The following RBPJ variants were observed in gnomAD, a reference collection of about 807,000 sequenced individuals.
The protein encoded by RBPJ is recombining binding protein suppressor of hairless.
A neutral mutation model predicts 67.8 loss-of-function variants in RBPJ; 9 were observed. The observed-to-expected ratio is 0.13, with a 90% CI of 0.08 to 0.23. The LOEUF is 0.23. RBPJ is among the 10% of genes least tolerant of loss of function. The pLI is 1.00. For synonymous variants in RBPJ, 198 were observed against 203.3 expected (o/e 0.97, Z 0.22); for missense variants, 305 against 595.6 (o/e 0.51, Z 5.08).
At chr4:26,352,470 A>G (rs1296527701) in intron 1 of RBPJ, among the ~76,000 whole-genome samples, 2 of 152,116 alleles carry the variant, frequency 1.3e-5, no homozygotes, top group Non-Finnish European at 2.9e-5. Context: ...TTGTAGGGGG[A>G]CACAAACATT....
At chr4:26,353,200 T>G (rs1480157799) in intron 1 of RBPJ, among the ~76,000 whole-genome samples, 1 of 152,252 alleles carries the variant, frequency 6.6e-6, no homozygotes. Flanking sequence ...TTCAAAACAT[T>G]AATATGCTAG....
intron 1 of RBPJ, among the ~76,000 whole-genome samples, chr4:26,164,643 A>C (rs1010587481): frequency 8.5e-5 from 13 of 152,260 alleles, no homozygotes; most frequent in African/African-American, 3.1e-4. Context: ...TGATCAATTA[A>C]ATATAAGTCC....
the RBPJ span, among the ~76,000 whole-genome samples, chr4:26,115,137 T>TAAATCA: frequency 1.3e-5 from 2 of 152,218 alleles, no homozygotes; most frequent in African/African-American, 4.8e-5. Context: ...ATCAAGGTTT[T>TAAATCA]CATTTTCTTC....
At chr4:26,297,247 G>A (rs1721904848) in intron 1 of RBPJ, among the ~76,000 whole-genome samples, 1 of 152,104 alleles carries the variant, frequency 6.6e-6, no homozygotes, top group Admixed American at 6.5e-5. Flanking sequence ...AGTGGGCAGT[G>A]AGCACACCAC....
intron 2 of RBPJ, among the ~76,000 whole-genome samples, chr4:26,399,508 TG>T (rs921235946): frequency 1.4e-5 from 2 of 138,872 alleles, no homozygotes; most frequent in Non-Finnish European, 3.2e-5. Flanking sequence ...ATTCTCTTTG[TG>T]GTATTTTTCT....
chr4:26,153,779 C>T, the RBPJ span, among the ~76,000 whole-genome samples: 1 of 152,100 alleles, frequency 6.6e-6, no homozygotes, highest in Non-Finnish European at 1.5e-5. Context: ...CATTGTGCAC[C>T]TGTGTTTTGA....
chr4:26,270,404 A>AG, intron 1 of RBPJ, among the ~76,000 whole-genome samples: 1 of 58,810 alleles, frequency 1.7e-5, no homozygotes, highest in Non-Finnish European at 4.4e-5. Context: ...AAAGAAAGAA[A>AG]GAAAGAAAGA....
Position 26,364,544 on chromosome 4 carries a change from C to T in RBPJ, c.21-21809C>T, listed in dbSNP as rs975569052. The stretch of plus-strand genomic sequence containing the variant: ...GAATCCATTTGTTTTGTTTTAACTC[C>T]GCAGAGGTTTTTGATGTACAGCTAG... On this transcript the variant is annotated intron_variant, in intron 1 of 10. Coordinates refer to ENST00000355476, the MANE Select transcript of RBPJ (RefSeq NM_015874.6). 3.3e-5 allele frequency among the ~76,000 whole-genome samples: 5 copies of T among 150,014 alleles called. No homozygotes were observed. In the South Asian group the frequency reaches 8.3e-4, roughly 25 times the overall value.
chr4:26,304,254 G>A (rs1722164011), intron 1 of RBPJ, among the ~76,000 whole-genome samples: 1 of 152,134 alleles, frequency 6.6e-6, no homozygotes, highest in Non-Finnish European at 1.5e-5. Flanking sequence ...TTCATCAGTT[G>A]ATGGACATTT....
chr4:26,153,236 G>T, the RBPJ span, among the ~76,000 whole-genome samples: 1 of 152,234 alleles, frequency 6.6e-6, no homozygotes, highest in Non-Finnish European at 1.5e-5. Flanking sequence ...GAATGTAGAT[G>T]CTACTGAGAA....
chr4:26,253,959 T>C lies in RBPJ; in HGVS notation c.-167+90345T>C, dbSNP rs1370565938. On this transcript the variant is annotated intron_variant, in intron 1 of 4. Transcript: ENST00000512351. ...CAACATTGGTGCAAAGTGATGATAGTCATGTTTAAAGGTTTTGGAGTTTTG... is the reference window on the plus strand; with the variant it reads ...CAACATTGGTGCAAAGTGATGATAGCCATGTTTAAAGGTTTTGGAGTTTTG... 2.7e-5 allele frequency among the ~76,000 whole-genome samples: 4 copies of C among 149,064 alleles called. 2 individuals carry two copies. The highest frequency in any genetic ancestry group is 1.0e-4 in the African/African-American group (4 of 38,456).
At chr4:26,142,757 AGTGTGTGTGTGTGTAT>A in the RBPJ span, among the ~76,000 whole-genome samples, 1 of 151,466 alleles carries the variant, frequency 6.6e-6, no homozygotes, top group Non-Finnish European at 1.5e-5. Context: ...GTCTATTTTG[AGTGTGTGTGTGTGTAT>A]GTGTGTGTGT....
At chr4:26,370,585 A>G (rs769059348) in intron 1 of RBPJ, among the ~76,000 whole-genome samples, 1 of 152,162 alleles carries the variant, frequency 6.6e-6, no homozygotes, top group Non-Finnish European at 1.5e-5. Flanking sequence ...CCACTTCTTT[A>G]TAGAATCTTT....
In RBPJ at chr4:26,430,098, C is replaced by T; in HGVS notation, c.1044+45C>T. Reference sequence around the variant, plus strand: ...GTTGGCCTTCAGCTCTTTGCAGCTACTCTCAGCTGTGACCTGGCATCATTT... The same window carrying T: ...GTTGGCCTTCAGCTCTTTGCAGCTATTCTCAGCTGTGACCTGGCATCATTT... On this transcript the variant is annotated intron_variant, in intron 9 of 10. Transcript: ENST00000355476. The surrounding 1 kb of genome is among the most constrained non-coding windows in gnomAD (Gnocchi z 4.1). 6.3e-7 allele frequency: 1 copy of T among 1,596,196 alleles called. No homozygotes were observed. Among genetic ancestry groups the T allele is most frequent in the Non-Finnish European group, 8.6e-7 (1 of 1,164,678 alleles).
At chr4:26,336,155 C>T (rs1015853167) in intron 1 of RBPJ, among the ~76,000 whole-genome samples, 3 of 152,142 alleles carry the variant, frequency 2.0e-5, no homozygotes, top group African/African-American at 4.8e-5. Context: ...TAATTGTAGG[C>T]TAAATCGATG....
At chr4:26,263,820 TCA>T (rs1273974598) in intron 1 of RBPJ, among the ~76,000 whole-genome samples, 9 of 151,714 alleles carry the variant, frequency 5.9e-5, no homozygotes, top group Non-Finnish European at 1.3e-4. Context: ...TCTGCCCACC[TCA>T]GTCTCCCAAA....
chr4:26,352,206 A>G (rs186682863), intron 1 of RBPJ, among the ~76,000 whole-genome samples: 1 of 152,300 alleles, frequency 6.6e-6, no homozygotes, highest in Non-Finnish European at 1.5e-5. Context: ...GAACAATAGA[A>G]TTTATTTCTC....
Position 26,406,225 on chromosome 4 carries a change from T to C in RBPJ, c.110T>C (p.Ile37Thr). The change falls in exon 3 of 11, where the codon ATT (isoleucine) becomes ACT (threonine). Residue 37 changes from isoleucine (I) to threonine (T), a missense_variant. This residue lies in a region of RBPJ where 4 missense variants were observed against 21.7 expected (regional missense o/e 0.18). Transcript: ENST00000355476. ...LKERGDQTVL[I>T]LHAKVAQKSY... is the part of the protein sequence containing the mutation. ...GAGCGAGGGGATCAAACAGTACTTA[T>C]TCTTCATGCAAAAGTTGCACAGAAG... 2 of 1,612,882 alleles carry C rather than the reference T, an allele frequency of 1.2e-6. No individual in the cohort carries two copies.
intron 1 of RBPJ, among the ~76,000 whole-genome samples, chr4:26,338,156 CTTTTT>C (rs773976269): frequency 1.1e-5 from 1 of 89,028 alleles, no homozygotes. Flanking sequence ...ATTTTTCTTT[CTTTTT>C]TTTTTTTTTT....
Sources: gnomAD v4.1 joint callset for allele counts (sites outside exome capture counted in the v4.1 genomes callset) on GRCh38, gnomAD v4.1.1 for gene constraint, gnomAD v4.1.1 regional missense constraint, Gnocchi (gnomAD v3.1) non-coding constraint, MANE v1.5 for transcripts, NCBI Gene and HGNC (gene_info 2026-07-23, HGNC 2026-07-21) for gene names.